The following SETBP1 variants were observed in gnomAD, a reference collection of about 807,000 sequenced individuals.
SETBP1 encodes SET-binding protein.
Under a neutral mutation model 101.0 loss-of-function variants are expected in SETBP1, and 9 were observed. The observed-to-expected ratio is 0.09, with a 90% CI of 0.05 to 0.16. The LOEUF (loss-of-function observed/expected upper bound fraction) is 0.16. Ranked by LOEUF, SETBP1 falls within the 10% of genes least tolerant of loss-of-function variation. The probability of loss-of-function intolerance (pLI) is 1.00; values close to 1 mark genes in which losing one functional copy is unlikely to be tolerated. For synonymous variants in SETBP1, 818 were observed against 788.5 expected, an observed-to-expected ratio of 1.04 and a Z score of -0.63; for missense variants, 1,858 against 2,033.8, an observed-to-expected ratio of 0.91 and a Z score of 1.66.
intron 3 of SETBP1, among the ~76,000 whole-genome samples, chr18:44,883,304 C>T (rs2069572215): frequency 6.6e-6 from 1 of 152,204 alleles, no homozygotes; most frequent in Non-Finnish European, 1.5e-5. Flanking sequence ...CCTCTTGAGT[C>T]TAGGCCAGTT....
In SETBP1 at chr18:44,836,697, G is replaced by A. The variant is rs534319745; in HGVS notation, c.487-32533G>A. ...TACACAGGTATATAATTGTCTATTT[G>A]GCAGCTGAGAAAAAGGACTCCACAG... On this transcript the variant is annotated intron_variant, in intron 2 of 5. Coordinates refer to ENST00000649279, the MANE Select transcript of SETBP1 (RefSeq NM_015559.3). 7.0e-4 allele frequency among the ~76,000 whole-genome samples: 107 copies of A among 152,266 alleles called. 1 individual carries two copies. The highest frequency in any genetic ancestry group is 2.4e-3 in the African/African-American group (101 of 41,540).
intron 2 of SETBP1, among the ~76,000 whole-genome samples, chr18:44,865,316 C>A (rs2069104440): frequency 6.6e-6 from 1 of 152,128 alleles, no homozygotes; most frequent in Non-Finnish European, 1.5e-5. Context: ...AAAAGCAGAG[C>A]CACTCTGAGT....
At chr18:44,964,287 TCA>T (rs1195289962) in intron 4 of SETBP1, among the ~76,000 whole-genome samples, 3 of 152,144 alleles carry the variant, frequency 2.0e-5, no homozygotes, top group Non-Finnish European at 4.4e-5. Flanking sequence ...GCAAAGTGGC[TCA>T]CACCTGTAAT....
At chr18:45,038,360 CTTG>C in intron 4 of SETBP1, 122 bp from the exon 5 acceptor site, 8 of 909,470 alleles carry the variant, frequency 8.8e-6, no homozygotes, top group Non-Finnish European at 1.2e-5. Context: ...AAATTTCATT[CTTG>C]TTGTACCAGA....
Position 44,995,462 on chromosome 18 carries a change from C to T in SETBP1, c.4000+42122C>T, listed in dbSNP as rs2072474566. 1.3e-5 allele frequency among the ~76,000 whole-genome samples: 2 copies of T among 150,510 alleles called. 1 individual carries two copies. Among genetic ancestry groups the T allele is most frequent in the Admixed American group, 1.3e-4 (2 of 15,104 alleles). On this transcript the variant is annotated intron_variant, in intron 4 of 5. Coordinates refer to ENST00000649279, the MANE Select transcript of SETBP1 (RefSeq NM_015559.3). Reference sequence around the variant, plus strand: ...AGTCATTATTTACATTTTTAATGTACATTTTAAATGTGAATATGCAGACTT... The same window carrying T: ...AGTCATTATTTACATTTTTAATGTATATTTTAAATGTGAATATGCAGACTT...
At chr18:44,927,204 A>C (rs758607014) in intron 3 of SETBP1, among the ~76,000 whole-genome samples, 15 of 152,186 alleles carry the variant, frequency 9.9e-5, no homozygotes, top group Non-Finnish European at 1.8e-4. Flanking sequence ...AGTGCCACCG[A>C]ATGTATATGT....
intron 2 of SETBP1, among the ~76,000 whole-genome samples, chr18:44,795,804 C>T (rs530308548): frequency 3.7e-4 from 57 of 152,260 alleles, no homozygotes; most frequent in African/African-American, 1.4e-3. Context: ...AACATAAGCT[C>T]TTCTCTCTCT....
At chr18:45,022,327 G>A (rs66524663) in intron 4 of SETBP1, among the ~76,000 whole-genome samples, 6,877 of 152,170 alleles carry the variant, frequency 0.045, 176 homozygotes, top group South Asian at 0.095. Context: ...CCAAACATGC[G>A]GTACTGTTGT....
intron 2 of SETBP1, among the ~76,000 whole-genome samples, chr18:44,844,450 G>T (rs1279591561): frequency 6.6e-6 from 1 of 152,148 alleles, no homozygotes; most frequent in African/African-American, 2.4e-5. Flanking sequence ...ATGCAGTGAT[G>T]TGTGCTCTGG....
rs112443508 is a variant in SETBP1, at chr18:44,934,145, CTT to C, written c.541-15723_541-15722del. Among the ~76,000 whole-genome samples the C allele has an allele frequency of 9.0e-3, 1,297 of 143,480 alleles. 20 individuals are homozygous for C. The highest frequency in any genetic ancestry group is 0.028 in the African/African-American group (1,117 of 39,422). 94.1% of individuals were successfully genotyped at this position (143,480 alleles called of 152,430 possible). A position where few individuals can be genotyped will look rare whatever the true frequency, so the allele number is the denominator to read the frequency against. On this transcript the variant is annotated intron_variant, in intron 3 of 5. Transcript: ENST00000649279. ...CATCAGGTAGGTGCTGTTGTTTTCC[CTT>C]TTTTTTTTTTTTCTTTTTTTAGACT...
At chr18:44,710,718 G>A (rs749425890) in intron 2 of SETBP1, among the ~76,000 whole-genome samples, 2 of 152,132 alleles carry the variant, frequency 1.3e-5, no homozygotes, top group Non-Finnish European at 2.9e-5. Flanking sequence ...CCAAAGTACT[G>A]GGATTACAGG....
In SETBP1 at chr18:44,869,122, T is replaced by C. The variant is rs1016936331; in HGVS notation, c.487-108T>C. 6 of 992,272 alleles carry C rather than the reference T, an allele frequency of 6.0e-6. No homozygotes were observed. The African/African-American group carries it at 8.0e-5, about 13-fold the overall frequency. 61.5% of individuals were successfully genotyped at this position (992,272 alleles called of 1,614,324 possible). A position where few individuals can be genotyped will look rare whatever the true frequency, so the allele number is the denominator to read the frequency against. ...CATTTGCCTTCTGCGATCCCACTTC[T>C]GTAGCTCTCATCCAGGCTATGGTAA... On this transcript the variant is annotated intron_variant, in intron 2 of 5. Coordinates refer to ENST00000649279, the MANE Select transcript of SETBP1 (RefSeq NM_015559.3).
At chr18:44,850,054 C>G (rs2072816018) in intron 2 of SETBP1, among the ~76,000 whole-genome samples, 1 of 152,192 alleles carries the variant, frequency 6.6e-6, no homozygotes, top group African/African-American at 2.4e-5. Context: ...CCCCTTGGCT[C>G]TCACCTCCAA....
chr18:44,873,249 G>A (rs545131686), intron 3 of SETBP1, among the ~76,000 whole-genome samples: 19 of 152,272 alleles, frequency 1.2e-4, no homozygotes, highest in African/African-American at 3.8e-4. Flanking sequence ...ATTCTGAAAT[G>A]TTCTGCCACC....
At chr18:44,709,231 T>C (rs1269197079) in intron 2 of SETBP1, among the ~76,000 whole-genome samples, 2 of 152,224 alleles carry the variant, frequency 1.3e-5, no homozygotes, top group African/African-American at 4.8e-5. Context: ...TGGTGAATTC[T>C]ATGCCATTGA....
At chr18:44,976,282 A>G (rs1391415171) in intron 4 of SETBP1, among the ~76,000 whole-genome samples, 3 of 152,218 alleles carry the variant, frequency 2.0e-5, no homozygotes, top group East Asian at 1.9e-4. Context: ...TACAGTCCGT[A>G]TTAACCCTGG....
chr18:44,978,877 G>A (rs570977850), intron 4 of SETBP1, among the ~76,000 whole-genome samples: 5 of 152,072 alleles, frequency 3.3e-5, no homozygotes, highest in Admixed American at 6.6e-5. Flanking sequence ...TAATGATCCC[G>A]GATGTCTTAA....
chr18:44,948,499 T>TGATGATAGATAGATA (rs148315292), intron 3 of SETBP1, among the ~76,000 whole-genome samples: 7 of 149,738 alleles, frequency 4.7e-5, no homozygotes, highest in Admixed American at 2.7e-4. Flanking sequence ...CAAAGATAGA[T>TGATGATAGATAGATA]GATAGATAGA....
chr18:45,028,585 C>A (rs35249950), intron 4 of SETBP1, among the ~76,000 whole-genome samples: 4,630 of 152,296 alleles, frequency 0.03, 86 homozygotes, highest in Non-Finnish European at 0.048. Context: ...GGAATCGCCA[C>A]ACTGACTTCC....
Sources: allele counts gnomAD v4.1 joint callset (sites outside exome capture counted in the v4.1 genomes callset), GRCh38; gene constraint gnomAD v4.1.1; transcripts MANE v1.5; gene names NCBI Gene and HGNC (gene_info 2026-07-23, HGNC 2026-07-21).